The following TACR1 variants were observed in gnomAD, a reference collection of about 807,000 sequenced individuals.
The protein encoded by TACR1 is tachykinin receptor 1.
A neutral mutation model predicts 35.8 loss-of-function variants in TACR1; 25 were observed. The ratio of observed to expected loss-of-function variants is 0.70; its 90% confidence interval spans 0.51 to 0.98. The LOEUF (loss-of-function observed/expected upper bound fraction) is 0.98. Ranked by LOEUF, TACR1 falls within the 50% of genes least tolerant of loss-of-function variation. TACR1 has a pLI of 0.00. For missense variants in TACR1, 478 were observed against 522.9 expected (o/e 0.91, Z 0.84); for synonymous variants, 195 against 206.7 (o/e 0.94, Z 0.48).
At chr2:75,147,449 G>T (rs997435369) in intron 1 of TACR1, among the ~76,000 whole-genome samples, 1 of 152,092 alleles carries the variant, frequency 6.6e-6, no homozygotes, top group Non-Finnish European at 1.5e-5. Context: ...TGGGATACAC[G>T]TGCAGAATGT....
intron 1 of TACR1, among the ~76,000 whole-genome samples, chr2:75,195,066 C>G (rs1349943422): frequency 6.6e-6 from 1 of 152,124 alleles, no homozygotes; most frequent in Non-Finnish European, 1.5e-5. Flanking sequence ...AGGGGGGAGT[C>G]ATCACCTCTC....
intron 1 of TACR1, among the ~76,000 whole-genome samples, chr2:75,148,604 G>A (rs961698833): frequency 2.0e-5 from 3 of 151,658 alleles, no homozygotes; most frequent in Admixed American, 6.6e-5. Context: ...TAAGTTCCTT[G>A]TAAATTCTGG....
chr2:75,125,881 G>T (rs1674061548), intron 1 of TACR1, among the ~76,000 whole-genome samples: 1 of 152,080 alleles, frequency 6.6e-6, no homozygotes, highest in African/African-American at 2.4e-5. Context: ...CTTTTGTGTT[G>T]ACTATACGTT....
intron 1 of TACR1, among the ~76,000 whole-genome samples, chr2:75,128,664 C>A (rs141603273): frequency 6.6e-6 from 1 of 152,140 alleles, no homozygotes; most frequent in Admixed American, 6.5e-5. Flanking sequence ...ATTTTTTTCT[C>A]CCTGAAAAGA....
intron 1 of TACR1, among the ~76,000 whole-genome samples, chr2:75,139,821 AG>A (rs1318007482): frequency 6.6e-6 from 1 of 152,182 alleles, no homozygotes; most frequent in Non-Finnish European, 1.5e-5. Context: ...CGCATTCAGA[AG>A]GGGGAAAACA....
At chr2:75,109,369 G>A (rs913092645) in intron 2 of TACR1, among the ~76,000 whole-genome samples, 1 of 152,090 alleles carries the variant, frequency 6.6e-6, no homozygotes, top group Non-Finnish European at 1.5e-5. Context: ...AAAGCCACAC[G>A]TACTCCTTTT....
intron 1 of TACR1, among the ~76,000 whole-genome samples, chr2:75,165,175 G>A (rs1675109208): frequency 1.3e-5 from 2 of 152,126 alleles, no homozygotes; most frequent in Admixed American, 6.6e-5. Flanking sequence ...CAGCATAATT[G>A]GTCACAACTC....
chr2:75,151,739 T>C, intron 1 of TACR1, among the ~76,000 whole-genome samples: 1 of 151,980 alleles, frequency 6.6e-6, no homozygotes, highest in East Asian at 1.9e-4. Flanking sequence ...GACCCCAGAA[T>C]AGCAGATGCA....
intron 4 of TACR1, among the ~76,000 whole-genome samples, chr2:75,049,943 A>G (rs1196418175): frequency 6.6e-6 from 1 of 152,208 alleles, no homozygotes; most frequent in Non-Finnish European, 1.5e-5. Flanking sequence ...ACACTGGAAC[A>G]ATCTTTATGT....
chr2:75,166,693 T>C (rs1675150742), intron 1 of TACR1, among the ~76,000 whole-genome samples: 1 of 152,128 alleles, frequency 6.6e-6, no homozygotes, highest in African/African-American at 2.4e-5. Context: ...GGGCTAGAGA[T>C]TGTGGGCGGC....
intron 2 of TACR1, among the ~76,000 whole-genome samples, chr2:75,107,660 A>G (rs1320432899): frequency 6.6e-6 from 1 of 152,038 alleles, no homozygotes; most frequent in Non-Finnish European, 1.5e-5. Flanking sequence ...GTAGTGGTAG[A>G]TTGTTTAAAA....
rs1553370620 is a variant in TACR1 at position 75,049,473 on chromosome 2, T to C, written c.1183A>G (p.Met395Val). The C allele has an allele frequency of 1.9e-6, 3 of 1,614,150 alleles. No homozygotes were observed. The South Asian group carries it at 3.3e-5, about 18-fold the overall frequency. The change falls in exon 5 of 5, where the codon ATG (methionine) becomes GTG (valine). Residue 395 changes from methionine to valine, a missense_variant. By Grantham distance (21) the Met-to-Val change is conservative. Coordinates refer to ENST00000305249, the MANE Select transcript of TACR1 (RefSeq NM_001058.4). ...NCSSRSDSKTMTESFSFSSNV... is the reference protein window; with the variant it reads ...NCSSRSDSKTVTESFSFSSNV... ...GAGGAGAAGCTGAAGCTCTCTGTCA[T>C]GGTCTTGGAGTCACTTCGTGAAGAG...
intron 1 of TACR1, among the ~76,000 whole-genome samples, chr2:75,151,394 CCCAGCCACT>C (rs1558570689): frequency 6.6e-6 from 1 of 152,164 alleles, no homozygotes. Context: ...TGCCCTGTGT[CCCAGCCACT>C]CCAGCTGTGG....
intron 2 of TACR1, among the ~76,000 whole-genome samples, chr2:75,119,816 A>G (rs1273577329): frequency 6.6e-6 from 1 of 152,158 alleles, no homozygotes; most frequent in Non-Finnish European, 1.5e-5. Flanking sequence ...TCTTCCGCAA[A>G]GGGGAATCCT....
intron 1 of TACR1, among the ~76,000 whole-genome samples, chr2:75,161,938 G>C (rs1328166393): frequency 6.7e-6 from 1 of 150,148 alleles, no homozygotes; most frequent in Non-Finnish European, 1.5e-5. Flanking sequence ...TTGAGTCTAG[G>C]TCAGTGAATG....
At chr2:75,125,054 C>T (rs1037357025) in intron 1 of TACR1, among the ~76,000 whole-genome samples, 1 of 152,256 alleles carries the variant, frequency 6.6e-6, no homozygotes, top group Admixed American at 6.5e-5. Context: ...ATTTTCACAA[C>T]TTGGCCCAGT....
At chr2:75,155,290 C>T (rs1184466895) in intron 1 of TACR1, among the ~76,000 whole-genome samples, 3 of 152,150 alleles carry the variant, frequency 2.0e-5, no homozygotes, top group South Asian at 2.1e-4. Context: ...GCTTAATGAG[C>T]CTCAAGCTCA....
intron 2 of TACR1, among the ~76,000 whole-genome samples, chr2:75,056,445 C>T (rs1038385444): frequency 2.0e-5 from 3 of 152,148 alleles, no homozygotes; most frequent in Non-Finnish European, 4.4e-5. Flanking sequence ...CGGAGCCTGC[C>T]GAAGTTATTC....
rs532140851 is a variant in TACR1, at chr2:75,132,433, T to C, written c.390-11665A>G. On this transcript the variant is annotated intron_variant, in intron 1 of 4. Coordinates refer to ENST00000305249, the MANE Select transcript of TACR1 (RefSeq NM_001058.4). ...TTTATATTTTAACTGTTATTATTGTTCATTTTTAGAATTTTGATTGCATAT... is the reference window on the plus strand; with the variant it reads ...TTTATATTTTAACTGTTATTATTGTCCATTTTTAGAATTTTGATTGCATAT... Among the ~76,000 whole-genome samples the C allele has an allele frequency of 3.2e-3, 488 of 152,360 alleles. 1 individual carries two copies. The highest frequency in any genetic ancestry group is 4.3e-3 in the Non-Finnish European group (291 of 68,042).
Sources: gnomAD v4.1 joint callset for allele counts (sites outside exome capture counted in the v4.1 genomes callset) on GRCh38, gnomAD v4.1.1 for gene constraint, MANE v1.5 for transcripts, NCBI Gene and HGNC (gene_info 2026-07-23, HGNC 2026-07-21) for gene names.